FAM3D: variants seen among roughly 807,000 people sequenced by gnomAD.
The protein encoded by FAM3D is FAM3 metabolism regulating signaling molecule D.
Under a neutral mutation model 29.8 loss-of-function variants are expected in FAM3D, and 26 were observed. The ratio of observed to expected loss-of-function variants is 0.87; its 90% confidence interval spans 0.64 to 1.21. FAM3D has a LOEUF of 1.21. FAM3D is among the 50% of genes most tolerant of loss of function. The pLI is 0.00. For synonymous variants in FAM3D, 115 were observed against 102.3 expected, an observed-to-expected ratio of 1.12 and a Z score of -0.75; for missense variants, 253 against 290.9, an observed-to-expected ratio of 0.87 and a Z score of 0.95.
chr3:58,652,307 T>C (rs913004316), intron 3 of FAM3D, among the ~76,000 whole-genome samples: 4 of 152,184 alleles, frequency 2.6e-5, no homozygotes, highest in Admixed American at 2.0e-4. Flanking sequence ...CTGTGGAACA[T>C]TTGTGCAGGT....
chr3:58,655,643 C>T, intron 1 of FAM3D, 42 bp from the exon 2 acceptor site: 1 of 1,535,354 alleles, frequency 6.5e-7, no homozygotes. Context: ...GGCATCAGGT[C>T]TGCAAGTGAT....
intron 1 of FAM3D, among the ~76,000 whole-genome samples, chr3:58,666,259 G>A (rs954001070): frequency 6.6e-6 from 1 of 152,148 alleles, no homozygotes; most frequent in African/African-American, 2.4e-5. Flanking sequence ...ATGCCCTACA[G>A]CTCCTTCTTG....
intron 4 of FAM3D, among the ~76,000 whole-genome samples, chr3:58,648,143 T>C (rs1226394311): frequency 1.3e-5 from 2 of 152,230 alleles, no homozygotes; most frequent in African/African-American, 4.8e-5. Flanking sequence ...AGGTGATGTC[T>C]AAGTGTTTGA....
At position 58,654,625 on chromosome 3, in the gene FAM3D, T is replaced by A. The variant is rs1056541997; in HGVS notation, c.14-844A>T. Among the ~76,000 whole-genome samples the A allele has an allele frequency of 3.9e-5, 6 of 152,146 alleles. No homozygotes were observed. The South Asian group carries it at 8.3e-4, about 21-fold the overall frequency. On this transcript the variant is annotated intron_variant, in intron 2 of 9. Coordinates refer to ENST00000358781, the MANE Select transcript of FAM3D (RefSeq NM_138805.3). Reference sequence around the variant, plus strand: ...CTACCTTCTGAATCAGACCCACCCATTCTGCTCTGACTCTTGAGGCACAGG... The same window carrying A: ...CTACCTTCTGAATCAGACCCACCCAATCTGCTCTGACTCTTGAGGCACAGG...
intron 3 of FAM3D, among the ~76,000 whole-genome samples, chr3:58,649,689 C>T (rs1424552745): frequency 6.6e-6 from 1 of 152,126 alleles, no homozygotes; most frequent in Admixed American, 6.5e-5. Context: ...CAGACATACA[C>T]ATGTGTGTGC....
At chr3:58,643,836 AAC>A in intron 5 of FAM3D, 116 bp from the exon 6 acceptor site, 1 of 879,178 alleles carries the variant, frequency 1.1e-6, no homozygotes, top group Non-Finnish European at 1.9e-6. Flanking sequence ...AGCATTGGGA[AAC>A]ACATGCAATA....
chr3:58,640,263 A>G (rs904105201), intron 6 of FAM3D, 86 bp from the exon 7 acceptor site: 4 of 1,413,774 alleles, frequency 2.8e-6, no homozygotes, highest in Non-Finnish European at 4.0e-6. Flanking sequence ...TCTGTAGTCT[A>G]AGATCTAAAA....
Position 58,637,076 on chromosome 3 carries a change from T to C in FAM3D, c.458+65A>G. On this transcript the variant is annotated intron_variant, in intron 8 of 9. Transcript: ENST00000358781. ...TCTGGCAAAAGAGCAGAAAAGGGTG[T>C]GCAGGGTTTGAAGGTATTCAGTTTG... 3.6e-6 allele frequency: 5 copies of C among 1,376,382 alleles called. No individual in the cohort carries two copies. The South Asian group carries it at 6.0e-5, about 16-fold the overall frequency. The allele number at this position is 1,376,382 out of a possible 1,614,324, so 85.3% of individuals were successfully genotyped here. A position where few individuals can be genotyped will look rare whatever the true frequency, so the allele number is the denominator to read the frequency against.
chr3:58,640,715 G>C (rs540364688), intron 6 of FAM3D, among the ~76,000 whole-genome samples: 2 of 152,378 alleles, frequency 1.3e-5, no homozygotes, highest in South Asian at 4.1e-4. Flanking sequence ...TGCGTTTGTG[G>C]GTTTTGTGGG....
chr3:58,634,304 C>T lies in FAM3D; in HGVS notation c.650G>A (p.Gly217Asp). 6.2e-7 allele frequency: 1 copy of T among 1,614,030 alleles called. No homozygotes were observed. The highest frequency in any genetic ancestry group is 8.5e-7 in the Non-Finnish European group (1 of 1,180,006). ...EGWPELLEME[G>D]CMPPKPF is the part of the protein sequence containing the mutation. ...CTAAAATGGCTTCGGGGGCATGCAGCCCTCCATCTCCAGCAGCTCTGGCCA... is the reference window on the plus strand; with the variant it reads ...CTAAAATGGCTTCGGGGGCATGCAGTCCTCCATCTCCAGCAGCTCTGGCCA... Residue 217 changes from glycine to aspartate, a missense_variant, in exon 10 of 10, where the codon GGC (glycine) becomes GAC (aspartate). Coordinates refer to ENST00000358781, the MANE Select transcript of FAM3D (RefSeq NM_138805.3). The surrounding 1 kb of genome is among the most constrained non-coding windows in gnomAD (Gnocchi z 4.6).
In FAM3D at chr3:58,653,712, C is replaced by G. The variant is rs1330129789; in HGVS notation, c.83G>C (p.Ser28Thr). 20 of 1,613,932 alleles carry G rather than the reference C, an allele frequency of 1.2e-5. No homozygotes were observed. Among genetic ancestry groups the G allele is most frequent in the Non-Finnish European group, 1.6e-5 (19 of 1,180,056 alleles). Residue 28 changes from serine to threonine, a missense_variant, in exon 3 of 10, where the codon AGC (serine) becomes ACC (threonine). Coordinates refer to ENST00000358781, the MANE Select transcript of FAM3D (RefSeq NM_138805.3). ...TTWMFIRSYM[S>T]FSMKTIRLPR... is the part of the protein sequence containing the mutation. ...CAGACGGATGGTTTTCATGCTGAAG[C>G]TCATGTAGCTTCGAATAAACATCCA...
At chr3:58,640,003 TG>T in intron 7 of FAM3D, 123 bp downstream of exon 7, 1 of 992,446 alleles carries the variant, frequency 1.0e-6, no homozygotes, top group Non-Finnish European at 1.6e-6. Flanking sequence ...CACCTCTTCC[TG>T]GGTGCCTCCT....
intron 4 of FAM3D, among the ~76,000 whole-genome samples, chr3:58,647,286 G>A (rs2066509059): frequency 6.6e-6 from 1 of 152,246 alleles, no homozygotes; most frequent in Admixed American, 6.5e-5. Flanking sequence ...CAAGCCTGTG[G>A]CTTAGGGGAG....
intron 1 of FAM3D, among the ~76,000 whole-genome samples, chr3:58,657,021 C>A (rs1407195945): frequency 6.6e-6 from 1 of 152,220 alleles, no homozygotes; most frequent in Non-Finnish European, 1.5e-5. Context: ...GATTAGAAAA[C>A]CAAGCTGTCA....
At chr3:58,641,661 C>A (rs1362001246) in intron 6 of FAM3D, among the ~76,000 whole-genome samples, 1 of 152,170 alleles carries the variant, frequency 6.6e-6, no homozygotes, top group Non-Finnish European at 1.5e-5. Context: ...AGCCACTGCA[C>A]CCAGCCTGCT....
At position 58,645,592 on chromosome 3, in the gene FAM3D, G is replaced by C; in HGVS notation, c.180C>G (p.Pro60=). ...VKKYKCGLIK[P]CPANYFAFKI... Reference sequence around the variant, plus strand: ...TAAACGCAAAGTAGTTGGCTGGGCAGGGCTTGATGAGGCCACACTTGTACT... The same window carrying C: ...TAAACGCAAAGTAGTTGGCTGGGCACGGCTTGATGAGGCCACACTTGTACT... Residue 60 remains proline, a synonymous_variant, in exon 5 of 10, where the codon CCC becomes CCG. Transcript: ENST00000358781. 2 of 1,614,256 alleles carry C rather than the reference G, an allele frequency of 1.2e-6. No individual in the cohort carries two copies. Among genetic ancestry groups the C allele is most frequent in the Non-Finnish European group, 1.7e-6 (2 of 1,180,044 alleles).
intron 7 of FAM3D, among the ~76,000 whole-genome samples, chr3:58,637,896 T>TATTATTATTATC (rs1344422642): frequency 6.6e-6 from 1 of 151,652 alleles, no homozygotes; most frequent in Admixed American, 6.6e-5. Flanking sequence ...TTATTATTAT[T>TATTATTATTATC]ATTCTGACAC....
At chr3:58,641,879 T>G (rs11130666) in intron 6 of FAM3D, among the ~76,000 whole-genome samples, 70,110 of 152,024 alleles carry the variant, frequency 0.46, 17,358 homozygotes, top group South Asian at 0.67. Flanking sequence ...TTGGAGAATA[T>G]TCAAAAAGCT....
At chr3:58,653,577 C>T (rs2066707445) in intron 3 of FAM3D, 97 bp downstream of exon 3, 2 of 1,176,782 alleles carry the variant, frequency 1.7e-6, no homozygotes, top group Non-Finnish European at 2.5e-6. Flanking sequence ...CACAGCTTGT[C>T]ATGTCTCCTG....
Sources: allele counts gnomAD v4.1 joint callset (sites outside exome capture counted in the v4.1 genomes callset), GRCh38; gene constraint gnomAD v4.1.1; non-coding constraint Gnocchi (gnomAD v3.1); transcripts MANE v1.5; gene names NCBI Gene and HGNC (gene_info 2026-07-23, HGNC 2026-07-21).